GPATCH1: variants seen among roughly 807,000 people sequenced by gnomAD.
GPATCH1 encodes G patch domain-containing protein 1.
Under a neutral mutation model 114.9 loss-of-function variants are expected in GPATCH1, and 73 were observed. The ratio of observed to expected loss-of-function variants is 0.64; its 90% CI spans 0.53 to 0.77. GPATCH1 has a LOEUF of 0.77. GPATCH1 is among the 30% of genes least tolerant of loss of function. The pLI is 0.00. For synonymous variants in GPATCH1, 391 were observed against 428.4 expected (o/e 0.91, Z 1.08); for missense variants, 1,058 against 1,144.3 (o/e 0.92, Z 1.09).
intron 10 of GPATCH1, among the ~76,000 whole-genome samples, chr19:33,107,397 A>C (rs1246751435): frequency 6.6e-6 from 1 of 152,214 alleles, no homozygotes; most frequent in Non-Finnish European, 1.5e-5. Flanking sequence ...GATGTCATTC[A>C]AATCACAACT....
chr19:33,088,760 G>A (rs1435817852), intron 2 of GPATCH1, among the ~76,000 whole-genome samples: 2 of 150,890 alleles, frequency 1.3e-5, no homozygotes, highest in Admixed American at 6.6e-5. Flanking sequence ...GGGTTCAAGC[G>A]ATTCTCCTGC....
chr19:33,118,130 C>G, intron 16 of GPATCH1, 89 bp downstream of exon 16: 1 of 803,478 alleles, frequency 1.2e-6, no homozygotes, highest in Admixed American at 2.5e-5. Context: ...AATCTTAAAC[C>G]CGAATGATTA....
At chr19:33,109,209 C>T (rs1972821149) in intron 10 of GPATCH1, among the ~76,000 whole-genome samples, 1 of 151,524 alleles carries the variant, frequency 6.6e-6, no homozygotes, top group Non-Finnish European at 1.5e-5. Flanking sequence ...ACAGCGAGAC[C>T]ATGTCTCAAA....
chr19:33,120,271 C>CAAATATATATAAAAATTATATAA (rs1972965911), intron 17 of GPATCH1, among the ~76,000 whole-genome samples: 7 of 120,284 alleles, frequency 5.8e-5, no homozygotes, highest in African/African-American at 1.8e-4. Flanking sequence ...TTATATATAA[C>CAAATATATATAAAAATTATATAA]AATTATATAT....
At chr19:33,092,209 C>T (rs1359094732) in intron 3 of GPATCH1, among the ~76,000 whole-genome samples, 1 of 151,920 alleles carries the variant, frequency 6.6e-6, no homozygotes, top group Non-Finnish European at 1.5e-5. Flanking sequence ...CACCACCATG[C>T]CTGGCTAATT....
chr19:33,105,801 G>A (rs574770665), intron 9 of GPATCH1, among the ~76,000 whole-genome samples: 1 of 151,990 alleles, frequency 6.6e-6, no homozygotes, highest in East Asian at 1.9e-4. Context: ...TGGGATTATA[G>A]GCATGAGCCA....
chr19:33,087,712 C>G (rs572677569), intron 1 of GPATCH1, among the ~76,000 whole-genome samples: 1 of 147,636 alleles, frequency 6.8e-6, no homozygotes, highest in African/African-American at 2.5e-5. Context: ...GGGGAGAAGT[C>G]TCGCTGTGTC....
Position 33,097,754 on chromosome 19 carries a change from G to T in GPATCH1, c.853-1G>T, listed in dbSNP as rs1482453011. Reference sequence around the variant, plus strand: ...CAGTTTGAAACCTTGTTTTTTTAAAGGCTTTTGGTGTAGGTGCCCTGGAAG... The same window carrying T: ...CAGTTTGAAACCTTGTTTTTTTAAATGCTTTTGGTGTAGGTGCCCTGGAAG... On this transcript the variant is annotated splice_acceptor_variant, in intron 7 of 19. Transcript: ENST00000170564. LOFTEE classifies it high-confidence loss of function. 1.2e-6 allele frequency: 2 copies of T among 1,613,724 alleles called. No homozygotes were observed. Among genetic ancestry groups the T allele is most frequent in the Admixed American group, 3.3e-5 (2 of 59,920 alleles).
intron 1 of GPATCH1, among the ~76,000 whole-genome samples, chr19:33,083,463 C>T (rs1399191172): frequency 1.3e-5 from 2 of 149,968 alleles, no homozygotes; most frequent in East Asian, 2.0e-4. Context: ...GGCGCGATCT[C>T]GGCTCACTGC....
At chr19:33,081,556 C>T (rs1972476687) in intron 1 of GPATCH1, among the ~76,000 whole-genome samples, 1 of 152,030 alleles carries the variant, frequency 6.6e-6, no homozygotes, top group African/African-American at 2.4e-5. Context: ...CAGGCAGTGT[C>T]TTCCCCGAGA....
chr19:33,130,096 T>C, intron 19 of GPATCH1, 34 bp from the exon 20 acceptor site: 1 of 1,594,948 alleles, frequency 6.3e-7, no homozygotes, highest in South Asian at 1.1e-5. Context: ...TTTAGCTAAC[T>C]TTCCATTTCT....
intron 17 of GPATCH1, among the ~76,000 whole-genome samples, chr19:33,124,159 T>C (rs1973015572): frequency 6.6e-6 from 1 of 152,056 alleles, no homozygotes; most frequent in Admixed American, 6.6e-5. Context: ...TGGCCGAAAC[T>C]TTTCTTTAGG....
intron 1 of GPATCH1, 111 bp downstream of exon 1, chr19:33,081,377 T>C: frequency 1.3e-6 from 1 of 779,946 alleles, no homozygotes; most frequent in Non-Finnish European, 2.1e-6. Context: ...TTCCCAGCGC[T>C]GGGAACACGG....
chr19:33,093,281 T>TA, intron 3 of GPATCH1, 78 bp from the exon 4 acceptor site: 1 of 951,782 alleles, frequency 1.1e-6, no homozygotes, highest in Non-Finnish European at 1.6e-6. Flanking sequence ...TTTTTTTTTT[T>TA]AACAGAAATA....
intron 1 of GPATCH1, among the ~76,000 whole-genome samples, chr19:33,082,988 C>T (rs1456136432): frequency 2.6e-5 from 4 of 151,890 alleles, no homozygotes; most frequent in African/African-American, 9.7e-5. Flanking sequence ...CCTGTAATCC[C>T]AGCACTTTGG....
Position 33,099,786 on chromosome 19 carries a change from T to C in GPATCH1, c.1001-1709T>C, listed in dbSNP as rs1038134689. 2.8e-5 allele frequency among the ~76,000 whole-genome samples: 4 copies of C among 144,096 alleles called. No individual in the cohort carries two copies. In the South Asian group the frequency reaches 9.1e-4, roughly 33 times the overall value. The allele number at this position is 144,096 out of a possible 152,430, so 94.5% of individuals were successfully genotyped here. ...GCTAATTTTTTTTTTTTTTTTTTTT[T>C]GAAGAAGGAATTTCCCTCTTGTTGC... On this transcript the variant is annotated intron_variant, in intron 8 of 19. Coordinates refer to ENST00000170564, the MANE Select transcript of GPATCH1 (RefSeq NM_018025.3).
intron 9 of GPATCH1, among the ~76,000 whole-genome samples, chr19:33,102,686 C>T (rs1018917374): frequency 2.0e-4 from 30 of 152,008 alleles, no homozygotes; most frequent in African/African-American, 7.0e-4. Flanking sequence ...TGAGCCACCG[C>T]GCCCGGCCGC....
chr19:33,103,368 T>C (rs1346089171), intron 9 of GPATCH1, among the ~76,000 whole-genome samples: 1 of 152,112 alleles, frequency 6.6e-6, no homozygotes, highest in Non-Finnish European at 1.5e-5. Flanking sequence ...AAATGTCAAA[T>C]AACATTAAAG....
At chr19:33,110,075 T>C (rs566697704) in intron 11 of GPATCH1, 59 bp downstream of exon 11, 1 of 1,401,138 alleles carries the variant, frequency 7.1e-7, no homozygotes, top group East Asian at 2.3e-5. Flanking sequence ...ATTCTCACTG[T>C]TCTCATCCTA....
Sources: gnomAD v4.1 joint callset for allele counts (sites outside exome capture counted in the v4.1 genomes callset) on GRCh38, gnomAD v4.1.1 for gene constraint, MANE v1.5 for transcripts, NCBI Gene and HGNC (gene_info 2026-07-23, HGNC 2026-07-21) for gene names.